The following BAZ2B variants were observed in gnomAD, a reference collection of about 807,000 sequenced individuals.
The protein encoded by BAZ2B is bromodomain adjacent to zinc finger domain protein 2B.
Under a neutral mutation model 246.0 loss-of-function variants are expected in BAZ2B, and 91 were observed. The ratio of observed to expected loss-of-function variants is 0.37; its 90% CI spans 0.31 to 0.44. The LOEUF (loss-of-function observed/expected upper bound fraction) is 0.44, where lower values mean the gene tolerates loss of function less well. Ranked by LOEUF, BAZ2B falls within the 20% of genes least tolerant of loss-of-function variation. BAZ2B has a pLI of 1.00. For synonymous variants in BAZ2B, 855 were observed against 860.0 expected (o/e 0.99, Z 0.10); for missense variants, 2,332 against 2,533.7 (o/e 0.92, Z 1.71).
intron 14 of BAZ2B, among the ~76,000 whole-genome samples, chr2:159,407,336 G>A (rs913232761): frequency 6.6e-6 from 1 of 151,938 alleles, no homozygotes; most frequent in Non-Finnish European, 1.5e-5. Context: ...GCCAGGCGTG[G>A]TGGTGGGCAC....
the BAZ2B span, among the ~76,000 whole-genome samples, chr2:159,654,692 A>G: frequency 6.6e-6 from 1 of 152,192 alleles, no homozygotes; most frequent in African/African-American, 2.4e-5. Context: ...AAGAAACTAC[A>G]GGCCGGGCAT....
At chr2:159,565,634 A>C (rs2090319480) in intron 1 of BAZ2B, among the ~76,000 whole-genome samples, 1 of 152,056 alleles carries the variant, frequency 6.6e-6, no homozygotes, top group African/African-American at 2.4e-5. Flanking sequence ...AAAATTAGCC[A>C]GGTGTTGTTG....
chr2:159,663,564 G>T, the BAZ2B span, among the ~76,000 whole-genome samples: 2 of 151,014 alleles, frequency 1.3e-5, no homozygotes, highest in Non-Finnish European at 2.9e-5. Flanking sequence ...ACCCAGGCTG[G>T]AATGCAATGG....
intron 1 of BAZ2B, among the ~76,000 whole-genome samples, chr2:159,565,792 A>AG (rs1559789618): frequency 7.0e-6 from 1 of 142,174 alleles, no homozygotes; most frequent in Non-Finnish European, 1.5e-5. Context: ...AAAAAAAAAA[A>AG]GGAAAAAAAA....
chr2:159,701,668 TTA>T, the BAZ2B span, among the ~76,000 whole-genome samples: 1 of 148,010 alleles, frequency 6.8e-6, no homozygotes, highest in Non-Finnish European at 1.5e-5. Flanking sequence ...AATACATATT[TTA>T]TATTTTATAT....
chr2:159,656,526 G>C, the BAZ2B span, among the ~76,000 whole-genome samples: 1 of 151,972 alleles, frequency 6.6e-6, no homozygotes, highest in African/African-American at 2.4e-5. Flanking sequence ...GACGACCACT[G>C]CTCTTTTTAT....
chr2:159,352,030 C>A (rs1338819429), intron 27 of BAZ2B, among the ~76,000 whole-genome samples: 8 of 152,184 alleles, frequency 5.3e-5, no homozygotes, highest in African/African-American at 1.9e-4. Context: ...CTACTATTCA[C>A]TTTTCTGCGG....
the BAZ2B span, among the ~76,000 whole-genome samples, chr2:159,687,695 A>G: frequency 5.2e-4 from 79 of 152,168 alleles, no homozygotes; most frequent in African/African-American, 1.9e-3. Flanking sequence ...TCTGTAAGCT[A>G]TTATAATAAA....
Position 159,382,892 on chromosome 2 carries a change from C to T in BAZ2B, c.3762-90G>A. On this transcript the variant is annotated intron_variant, in intron 24 of 36. Coordinates refer to ENST00000392783, the MANE Select transcript of BAZ2B (RefSeq NM_013450.4). ...AAAACATGAGTTGTATGCAAAAATA[C>T]CTTATGGCATTTCTTTTGTGTTAAG... is the stretch of plus-strand genomic sequence containing the variant. The T allele has an allele frequency of 4.8e-6, 7 of 1,471,954 alleles. No homozygotes were observed. In the Admixed American group the frequency reaches 6.6e-5, roughly 14 times the overall value. The allele number at this position is 1,471,954 out of a possible 1,614,324, so 91.2% of individuals were successfully genotyped here. A position where few individuals can be genotyped will look rare whatever the true frequency, so the allele number is the denominator to read the frequency against.
At chr2:159,440,776 C>T (rs531021522) in intron 6 of BAZ2B, among the ~76,000 whole-genome samples, 125 of 151,916 alleles carry the variant, frequency 8.2e-4, no homozygotes, top group Non-Finnish European at 1.3e-3. Context: ...CCCAAAGTGC[C>T]GGGATTACAG....
rs2062675487 is a variant in BAZ2B, at chr2:159,386,523, G to T, written c.3301C>A (p.Arg1101=). 1 of 1,613,446 alleles carries T rather than the reference G, an allele frequency of 6.2e-7. No individual in the cohort carries two copies. Among genetic ancestry groups the T allele is most frequent in the Non-Finnish European group, 8.5e-7 (1 of 1,179,732 alleles). Residue 1101 remains arginine, a synonymous_variant, in exon 22 of 37, where the codon CGA becomes AGA. Transcript: ENST00000392783. ...SDCLMVVQFL[R]NFGKVLGFDV... is the part of the protein sequence containing the mutation. Reference sequence around the variant, plus strand: ...AAGCCCAAAACTTTACCAAAGTTTCGTAAGAACTGCACCACCATGAGACAG... The same window carrying T: ...AAGCCCAAAACTTTACCAAAGTTTCTTAAGAACTGCACCACCATGAGACAG...
At chr2:159,334,169 C>T (rs1273955435) in intron 33 of BAZ2B, among the ~76,000 whole-genome samples, 1 of 152,110 alleles carries the variant, frequency 6.6e-6, no homozygotes, top group East Asian at 1.9e-4. Flanking sequence ...GCTACAAGAT[C>T]TGTCTTACAT....
the BAZ2B span, among the ~76,000 whole-genome samples, chr2:159,700,577 C>G: frequency 6.6e-6 from 1 of 152,160 alleles, no homozygotes; most frequent in Admixed American, 6.5e-5. Flanking sequence ...TCTCGAGTAG[C>G]TGGGACTACA....
the BAZ2B span, among the ~76,000 whole-genome samples, chr2:159,653,539 A>G: frequency 6.6e-6 from 1 of 152,196 alleles, no homozygotes; most frequent in African/African-American, 2.4e-5. Context: ...AAAACTTGAG[A>G]TAGTCTTTGC....
chr2:159,493,108 C>T (rs2080683012), intron 2 of BAZ2B, among the ~76,000 whole-genome samples: 1 of 152,158 alleles, frequency 6.6e-6, no homozygotes, highest in African/African-American at 2.4e-5. Context: ...CCACTCATTA[C>T]ATTTCATTGC....
the BAZ2B span, among the ~76,000 whole-genome samples, chr2:159,702,544 T>C: frequency 5.3e-5 from 8 of 152,192 alleles, no homozygotes; most frequent in Non-Finnish European, 1.2e-4. Flanking sequence ...CTCTAATTTG[T>C]ATTATTATCA....
chr2:159,529,144 T>C (rs760484931), intron 2 of BAZ2B, among the ~76,000 whole-genome samples: 1 of 151,942 alleles, frequency 6.6e-6, no homozygotes, highest in Non-Finnish European at 1.5e-5. Flanking sequence ...CATAAAAAAA[T>C]AAATAAAACA....
intron 1 of BAZ2B, among the ~76,000 whole-genome samples, chr2:159,571,516 G>A (rs1301300057): frequency 1.3e-5 from 2 of 152,122 alleles, no homozygotes; most frequent in Non-Finnish European, 2.9e-5. Context: ...TCATGGGTCT[G>A]CTCTGCAGAA....
At chr2:159,700,332 T>C in the BAZ2B span, among the ~76,000 whole-genome samples, 1 of 152,242 alleles carries the variant, frequency 6.6e-6, no homozygotes, top group Non-Finnish European at 1.5e-5. Context: ...AATCCTCCTG[T>C]ATACTTTAAA....
Sources: allele counts gnomAD v4.1 joint callset (sites outside exome capture counted in the v4.1 genomes callset), GRCh38; gene constraint gnomAD v4.1.1; transcripts MANE v1.5; gene names NCBI Gene and HGNC (gene_info 2026-07-23, HGNC 2026-07-21).